ZDHHC21: variants seen among roughly 807,000 people sequenced by gnomAD.
ZDHHC21 encodes the protein palmitoyltransferase ZDHHC21.
Under a neutral mutation model 34.6 loss-of-function variants are expected in ZDHHC21, and 15 were observed. The observed-to-expected ratio is 0.43, with a 90% CI of 0.29 to 0.67. The LOEUF (loss-of-function observed/expected upper bound fraction) is 0.67, where lower values mean the gene tolerates loss of function less well. ZDHHC21 is among the 30% of genes least tolerant of loss of function. The pLI is 0.14. For missense variants in ZDHHC21, 344 were observed against 327.7 expected (o/e 1.05, Z -0.38); for synonymous variants, 142 against 101.8 (o/e 1.40, Z -2.38).
At chr9:14,649,346 T>C (rs1268130035) in intron 7 of ZDHHC21, among the ~76,000 whole-genome samples, 1 of 152,118 alleles carries the variant, frequency 6.6e-6, no homozygotes, top group Non-Finnish European at 1.5e-5. Context: ...TCAAAATAAC[T>C]AAATAACCAA....
chr9:14,598,718 T>A, the ZDHHC21 span, among the ~76,000 whole-genome samples: 2 of 152,096 alleles, frequency 1.3e-5, no homozygotes, highest in African/African-American at 4.8e-5. Context: ...ATGATCTGAA[T>A]GAGAAATATA....
intron 1 of ZDHHC21, among the ~76,000 whole-genome samples, chr9:14,691,563 T>C (rs1232693311): frequency 6.6e-6 from 1 of 152,236 alleles, no homozygotes; most frequent in Non-Finnish European, 1.5e-5. Flanking sequence ...GCTGATTATA[T>C]GTCTGCATTT....
chr9:14,655,544 T>C (rs1162751201), intron 7 of ZDHHC21, among the ~76,000 whole-genome samples: 1 of 151,892 alleles, frequency 6.6e-6, no homozygotes, highest in Non-Finnish European at 1.5e-5. Context: ...TACCCCAAAA[T>C]ATGAAAAATG....
At chr9:14,597,247 C>T in the ZDHHC21 span, among the ~76,000 whole-genome samples, 1 of 152,118 alleles carries the variant, frequency 6.6e-6, no homozygotes, top group Non-Finnish European at 1.5e-5. Context: ...GGCCCAACAC[C>T]CTCTCTATCT....
intron 2 of ZDHHC21, among the ~76,000 whole-genome samples, chr9:14,683,340 A>G (rs1167043781): frequency 2.0e-5 from 3 of 152,162 alleles, no homozygotes; most frequent in Admixed American, 1.3e-4. Context: ...AGAATCAAAT[A>G]GACGCAATAA....
At chr9:14,647,741 G>T (rs905884153) in intron 7 of ZDHHC21, among the ~76,000 whole-genome samples, 1 of 152,030 alleles carries the variant, frequency 6.6e-6, no homozygotes, top group Non-Finnish European at 1.5e-5. Context: ...TGCAGTCTTA[G>T]TCACCTTTCT....
intron 2 of ZDHHC21, among the ~76,000 whole-genome samples, chr9:14,687,091 A>G (rs922863782): frequency 6.0e-5 from 9 of 150,990 alleles, no homozygotes; most frequent in Non-Finnish European, 1.5e-5. Flanking sequence ...TTTTTGAAAG[A>G]TGGCCAAAAA....
At chr9:14,644,270 G>T (rs1475865624) in intron 7 of ZDHHC21, among the ~76,000 whole-genome samples, 3 of 152,206 alleles carry the variant, frequency 2.0e-5, no homozygotes, top group South Asian at 2.1e-4. Context: ...AAACCCAAAA[G>T]AATCTATAGA....
Position 14,664,602 on chromosome 9 carries a change from T to C in ZDHHC21, c.254-2276A>G, listed in dbSNP as rs1171500615. ...CAGCAGTAACCTCCACAGACTTAAA[T>C]GTCCCTGATAGCTTTGAAGAGAGCA... On this transcript the variant is annotated intron_variant, in intron 5 of 9. Transcript: ENST00000380916. 2.7e-5 allele frequency among the ~76,000 whole-genome samples: 4 copies of C among 150,252 alleles called. No individual in the cohort carries two copies. The South Asian group carries it at 6.4e-4, about 24-fold the overall frequency.
chr9:14,669,615 CAAT>C (rs1426122720), intron 5 of ZDHHC21, among the ~76,000 whole-genome samples: 1 of 144,078 alleles, frequency 6.9e-6, no homozygotes, highest in Non-Finnish European at 1.5e-5. Flanking sequence ...AAATGTCCAA[CAAT>C]GATAGACTGG....
rs536185144 is a variant in ZDHHC21, at chr9:14,611,717, C to G, written c.*7249G>C. The G allele has an allele frequency of 6.6e-6, 1 of 152,070 alleles. No homozygotes were observed. Among genetic ancestry groups the G allele is most frequent in the African/African-American group, 2.4e-5 (1 of 41,534 alleles). The allele number at this position is 152,070 out of a possible 1,614,324, so 9.4% of individuals were successfully genotyped here. A position where few individuals can be genotyped will look rare whatever the true frequency, so the allele number is the denominator to read the frequency against. On this transcript the variant is annotated 3_prime_UTR_variant, in exon 10 of 10. Coordinates refer to ENST00000380916, the MANE Select transcript of ZDHHC21 (RefSeq NM_178566.6). ...CAGTTAGATCACACACAAAAAAACA[C>G]TAATTCCAGGGACACAAAGTGAGCT...
intron 7 of ZDHHC21, among the ~76,000 whole-genome samples, chr9:14,649,869 T>C (rs1357239805): frequency 2.0e-5 from 3 of 152,078 alleles, no homozygotes; most frequent in Admixed American, 2.0e-4. Flanking sequence ...CAGGATAACA[T>C]ACTTCCTTAC....
intron 3 of ZDHHC21, among the ~76,000 whole-genome samples, chr9:14,677,127 C>CA (rs1490303469): frequency 3.3e-5 from 5 of 151,904 alleles, no homozygotes; most frequent in Non-Finnish European, 7.4e-5. Context: ...CTCACAGCAA[C>CA]AAAAAATTAC....
intron 7 of ZDHHC21, among the ~76,000 whole-genome samples, chr9:14,656,298 A>C (rs889765597): frequency 1.3e-5 from 2 of 151,934 alleles, no homozygotes; most frequent in African/African-American, 4.8e-5. Flanking sequence ...TTACTCTATT[A>C]AACTTAAGTA....
At chr9:14,592,953 G>C in the ZDHHC21 span, among the ~76,000 whole-genome samples, 195 of 152,162 alleles carry the variant, frequency 1.3e-3, no homozygotes, top group Admixed American at 2.4e-3. Context: ...AATTAAGATA[G>C]TTTTAATTGA....
At chr9:14,603,706 A>G in the ZDHHC21 span, among the ~76,000 whole-genome samples, 7 of 152,180 alleles carry the variant, frequency 4.6e-5, no homozygotes, top group Non-Finnish European at 8.8e-5. Flanking sequence ...ACTTATTTTT[A>G]TAAGGACTTT....
the ZDHHC21 span, among the ~76,000 whole-genome samples, chr9:14,603,869 AT>A: frequency 1.3e-4 from 20 of 152,166 alleles, no homozygotes; most frequent in Non-Finnish European, 2.9e-4. Context: ...TAAGAGCATA[AT>A]TTTTTATTCA....
rs992147946 is a variant in ZDHHC21, at chr9:14,614,259, G to A, written c.*4707C>T. 25 of 151,072 alleles carry A rather than the reference G, an allele frequency of 1.7e-4. No individual in the cohort carries two copies. The highest frequency in any genetic ancestry group is 6.1e-4 in the African/African-American group (25 of 41,304). The allele number at this position is 151,072 out of a possible 1,614,324, so 9.4% of individuals were successfully genotyped here. On this transcript the variant is annotated 3_prime_UTR_variant, in exon 10 of 10. Coordinates refer to ENST00000380916, the MANE Select transcript of ZDHHC21 (RefSeq NM_178566.6). The stretch of plus-strand genomic sequence containing the variant: ...ACAAGGCAAAAAGAACATAATAATA[G>A]TAAAAAATATAATGATAATGGAAAG...
chr9:14,671,901 G>A (rs1835522328), intron 5 of ZDHHC21, among the ~76,000 whole-genome samples: 1 of 152,014 alleles, frequency 6.6e-6, no homozygotes, highest in South Asian at 2.1e-4. Flanking sequence ...AACTGAAGGT[G>A]TTCATTTTGT....
Sources: gnomAD v4.1 joint callset for allele counts (sites outside exome capture counted in the v4.1 genomes callset) on GRCh38, gnomAD v4.1.1 for gene constraint, MANE v1.5 for transcripts, NCBI Gene and HGNC (gene_info 2026-07-23, HGNC 2026-07-21) for gene names.